Variants in LIG3 observed in about 807,000 individuals in gnomAD.
The protein encoded by LIG3 is ligase II, DNA, ATP-dependent.
A neutral mutation model predicts 110.9 loss-of-function variants in LIG3; 58 were observed. The observed-to-expected ratio is 0.52, with a 90% confidence interval of 0.42 to 0.65. LIG3 has a LOEUF of 0.65. Among genes scored for constraint, LIG3 ranks in the 30% least tolerant of loss-of-function variants. The pLI is 0.00. For missense variants in LIG3, 1,094 were observed against 1,273.8 expected (o/e 0.86, Z 2.15); for synonymous variants, 422 against 472.8 (o/e 0.89, Z 1.39).
At chr17:34,996,781 T>G (rs2090783014) in intron 11 of LIG3, 128 bp downstream of exon 11, 2 of 769,624 alleles carry the variant, frequency 2.6e-6, no homozygotes, top group Non-Finnish European at 4.4e-6. Context: ...ACGTTTGTGC[T>G]CAGGAGCTTG....
chr17:34,989,688 G>C (rs756802856), intron 4 of LIG3, 25 bp downstream of exon 4: 16 of 1,611,022 alleles, frequency 9.9e-6, no homozygotes, highest in Non-Finnish European at 1.7e-6. Flanking sequence ...TCCTGAATAG[G>C]CCTTTCCTCC....
intron 19 of LIG3, chr17:35,003,277 T>G: frequency 2.0e-6 from 2 of 1,003,856 alleles, no homozygotes; most frequent in East Asian, 5.6e-5. Context: ...CTTGTCAGTC[T>G]TGGGTTTGGC....
chr17:34,981,639 A>T (rs887097389), intron 1 of LIG3: 1 of 152,232 alleles, frequency 6.6e-6, no homozygotes, highest in African/African-American at 2.4e-5. Flanking sequence ...ACAGTCAGTA[A>T]ACTGTACAGT....
At chr17:34,996,508 G>T in intron 10 of LIG3, 66 bp from the exon 11 acceptor site, 1 of 1,279,604 alleles carries the variant, frequency 7.8e-7, no homozygotes. Flanking sequence ...AAGTGGACTG[G>T]TACTCCTTAT....
chr17:34,982,859 A>G, intron 1 of LIG3, 143 bp from the exon 2 acceptor site: 1 of 603,060 alleles, frequency 1.7e-6, no homozygotes, highest in Non-Finnish European at 2.8e-6. Context: ...CATGCTGTAG[A>G]GTAGACTATG....
chr17:34,998,210 G>C lies in LIG3; in HGVS notation c.1912-9G>C, dbSNP rs1191304740. The C allele has an allele frequency of 6.2e-7, 1 of 1,608,868 alleles. No individual in the cohort carries two copies. The highest frequency in any genetic ancestry group is 1.3e-5 in the African/African-American group (1 of 74,748). ...TCACACCAACTTCAGCATCTCTCTT[G>C]TCCCTCAGAAAGCTTTGGACTTGGC... On this transcript the variant is annotated splice_polypyrimidine_tract_variant and intron_variant, in intron 12 of 19. Transcript: ENST00000378526.
At chr17:34,996,379 G>A in intron 10 of LIG3, 184 bp downstream of exon 10, 1 of 833,198 alleles carries the variant, frequency 1.2e-6, no homozygotes, top group Non-Finnish European at 1.8e-6. Flanking sequence ...GCTGGTATTG[G>A]GAACCAGTTT....
At position 34,999,382 on chromosome 17, in the gene LIG3, C is replaced by T. The variant is rs1186084284; in HGVS notation, c.2189C>T (p.Ala730Val). The T allele has an allele frequency of 6.2e-7, 1 of 1,614,124 alleles. No homozygotes were observed. Among genetic ancestry groups the T allele is most frequent in the South Asian group, 1.1e-5 (1 of 91,066 alleles). Residue 730 changes from alanine (A) to valine (V), a missense_variant, in exon 15 of 20, where the codon GCA (alanine) becomes GTA (valine). Coordinates refer to ENST00000378526, the MANE Select transcript of LIG3 (RefSeq NM_013975.4). ...SQKWCTVTKC[A>V]GGHDDATLAR... ...AAGTGGTGCACAGTCACCAAGTGTG[C>T]AGGAGGCCATGATGATGCCACGCTT...
chr17:34,992,654 G>T lies in LIG3; in HGVS notation c.1417G>T (p.Val473Phe). 2.5e-6 allele frequency: 4 copies of T among 1,611,378 alleles called. No individual in the cohort carries two copies. The highest frequency in any genetic ancestry group is 3.4e-6 in the Non-Finnish European group (4 of 1,178,872). ...GCCGGGCCAGAGACGAGCTCTGAGC[G>T]TCCAGGCCTCGCTGATGACACCTGT... The part of the protein sequence containing the change: ...KEPGQRRALS[V>F]QASLMTPVQP... Residue 473 changes from valine to phenylalanine, a missense_variant, in exon 8 of 20, where the codon GTC (valine) becomes TTC (phenylalanine). Coordinates refer to ENST00000378526, the MANE Select transcript of LIG3 (RefSeq NM_013975.4).
At chr17:34,986,564 C>A (rs2090657791) in intron 3 of LIG3, among the ~76,000 whole-genome samples, 1 of 152,174 alleles carries the variant, frequency 6.6e-6, no homozygotes, top group South Asian at 2.1e-4. Flanking sequence ...TCAGGTGATC[C>A]ACCTGCCCCA....
At chr17:34,994,176 C>G (rs1387156024) in intron 8 of LIG3, 100 bp from the exon 9 acceptor site, 5 of 1,141,292 alleles carry the variant, frequency 4.4e-6, no homozygotes, top group African/African-American at 1.6e-5. Context: ...TCCCAAGACC[C>G]AGGTAACTAC....
chr17:34,994,402 C>T lies in LIG3; in HGVS notation c.1582C>T (p.Arg528Cys), dbSNP rs148247013. 4.3e-6 allele frequency: 7 copies of T among 1,614,052 alleles called. No individual in the cohort carries two copies. The highest frequency in any genetic ancestry group is 3.3e-5 in the Admixed American group (2 of 60,012). The change falls in exon 9 of 20, where the codon CGC (arginine) becomes TGC (cysteine). Residue 528 changes from arginine to cysteine, a missense_variant. Physicochemically the swap from Arg to Cys is radical, Grantham distance 180. Coordinates refer to ENST00000378526, the MANE Select transcript of LIG3 (RefSeq NM_013975.4). Reference sequence around the variant, plus strand: ...TGGAGACCACTTCAGCTACTTCAGCCGCAGTCTCAAGCCCGTCCTTCCTCA... The same window carrying T: ...TGGAGACCACTTCAGCTACTTCAGCTGCAGTCTCAAGCCCGTCCTTCCTCA... ...KNGDHFSYFS[R>C]SLKPVLPHKV... is the part of the protein sequence containing the mutation.
At position 35,005,643 on chromosome 17, in the gene LIG3, T is replaced by C; in HGVS notation, c.*1137T>C. ...CAAATATCCCAAAACTCAATCGATT[T>C]TTTTTCTTCTATTCATTGGATTCGT... On this transcript the variant is annotated 3_prime_UTR_variant, in exon 20 of 20. Transcript: ENST00000378526. 1 of 572,452 alleles carries C rather than the reference T, an allele frequency of 1.7e-6. No individual in the cohort carries two copies. The highest frequency in any genetic ancestry group is 1.4e-5 in the South Asian group (1 of 72,818). The allele number at this position is 572,452 out of a possible 1,614,324, so 35.5% of individuals were successfully genotyped here. A position where few individuals can be genotyped will look rare whatever the true frequency, so the allele number is the denominator to read the frequency against.
Position 34,996,620 on chromosome 17 carries a change from G to C in LIG3, c.1790G>C (p.Cys597Ser), listed in dbSNP as rs774191585. Residue 597 changes from cysteine (C) to serine (S), a missense_variant, in exon 11 of 20, where the codon TGT (cysteine) becomes TCT (serine). By Grantham distance (112) the Cys-to-Ser change is moderately radical. Transcript: ENST00000378526. ...DANVCLFVFD[C>S]IYFNDVSLMD... is the part of the protein sequence containing the mutation. ...AATGTCTGCCTGTTTGTTTTTGATTGTATCTACTTTAATGATGTCAGCTTG... is the reference window on the plus strand; with the variant it reads ...AATGTCTGCCTGTTTGTTTTTGATTCTATCTACTTTAATGATGTCAGCTTG... 6.2e-7 allele frequency: 1 copy of C among 1,614,078 alleles called. No homozygotes were observed. The highest frequency in any genetic ancestry group is 1.7e-5 in the Admixed American group (1 of 60,022).
Position 34,999,351 on chromosome 17 carries a change from A to G in LIG3, c.2158A>G (p.Ser720Gly). The G allele has an allele frequency of 6.2e-7, 1 of 1,614,030 alleles. No individual in the cohort carries two copies. The highest frequency in any genetic ancestry group is 1.3e-5 in the African/African-American group (1 of 75,046). ...IFLMGCYDPG[S>G]QKWCTVTKCA... ...CCTCATGGGCTGCTACGACCCTGGC[A>G]GCCAGAAGTGGTGCACAGTCACCAA... Residue 720 changes from serine (S) to glycine (G), a missense_variant, in exon 15 of 20, where the codon AGC becomes GGC. Coordinates refer to ENST00000378526, the MANE Select transcript of LIG3 (RefSeq NM_013975.4).
rs1239326596 is a variant in LIG3, at chr17:35,006,036, A to G, written c.*1530A>G. ...TAATTTCTTAAAGAAAATATACTCCATATCTGCAGGGAAAAAAATAAAAAT... is the reference window on the plus strand; with the variant it reads ...TAATTTCTTAAAGAAAATATACTCCGTATCTGCAGGGAAAAAAATAAAAAT... On this transcript the variant is annotated 3_prime_UTR_variant, in exon 20 of 20. Transcript: ENST00000378526. 4 of 243,332 alleles carry G rather than the reference A, an allele frequency of 1.6e-5. No homozygotes were observed. The highest frequency in any genetic ancestry group is 2.4e-5 in the Non-Finnish European group (3 of 124,114). 15.1% of individuals were successfully genotyped at this position (243,332 alleles called of 1,614,324 possible).
intron 10 of LIG3, 84 bp from the exon 11 acceptor site, chr17:34,996,490 G>A: frequency 9.2e-7 from 1 of 1,081,354 alleles, no homozygotes; most frequent in Non-Finnish European, 1.4e-6. Context: ...GCCTCAGGGG[G>A]CCTCCAGAAG....
chr17:34,996,711 G>C (rs995975230), intron 11 of LIG3, 58 bp downstream of exon 11: 4 of 1,433,794 alleles, frequency 2.8e-6, no homozygotes, highest in Non-Finnish European at 3.9e-6. Context: ...TTCATTTCCT[G>C]GGTGAGGAAG....
Position 34,998,647 on chromosome 17 carries a change from A to C in LIG3, c.2033A>C (p.Lys678Thr), listed in dbSNP as rs1460930789. The change falls in exon 14 of 20, where the codon AAA (lysine) becomes ACA (threonine). Residue 678 changes from lysine (K) to threonine (T), a missense_variant. By Grantham distance (78) the Lys-to-Thr change is moderately conservative. Transcript: ENST00000378526. ...AAGCGGCACTGGCTGAAAGTGAAGA[A>C]AGACTATTTGAACGAGGGGGCCATG... ...PGKRHWLKVKKDYLNEGAMAD... is the reference protein window; with the variant it reads ...PGKRHWLKVKTDYLNEGAMAD... The C allele has an allele frequency of 6.2e-7, 1 of 1,614,194 alleles. No individual in the cohort carries two copies. Among genetic ancestry groups the C allele is most frequent in the African/African-American group, 1.3e-5 (1 of 75,048 alleles).
Sources: gnomAD v4.1 joint callset for allele counts (sites outside exome capture counted in the v4.1 genomes callset) on GRCh38, gnomAD v4.1.1 for gene constraint, MANE v1.5 for transcripts, NCBI Gene and HGNC (gene_info 2026-07-23, HGNC 2026-07-21) for gene names.